FAM107B: variants seen among roughly 807,000 people sequenced by gnomAD.
FAM107B encodes the protein protein FAM107B.
In FAM107B, 21 loss-of-function variants were observed where a neutral mutation model predicts 31.5. The ratio of observed to expected loss-of-function variants is 0.67; its 90% CI spans 0.47 to 0.96. The LOEUF is 0.96. Ranked by LOEUF, FAM107B falls within the 40% of genes least tolerant of loss-of-function variation. FAM107B has a pLI of 0.00. For missense variants in FAM107B, 452 were observed against 377.1 expected (o/e 1.20, Z -1.64); for synonymous variants, 157 against 141.5 (o/e 1.11, Z -0.78).
chr10:14,528,314 TGG>T (rs1846554171), intron 3 of FAM107B, among the ~76,000 whole-genome samples: 1 of 151,524 alleles, frequency 6.6e-6, no homozygotes, highest in Non-Finnish European at 1.5e-5. Flanking sequence ...CCCGAGTGGT[TGG>T]GATTACAGGC....
At position 14,774,483 on chromosome 10, in the gene FAM107B, C is replaced by G; in HGVS notation, c.181G>C (p.Gly61Arg). Residue 61 changes from glycine to arginine, a missense_variant, in exon 1 of 5, where the codon GGC becomes CGC. Transcript: ENST00000181796. ...TVRVQPVAKAGRQPRHPSAEG... is the reference protein window; with the variant it reads ...TVRVQPVAKARRQPRHPSAEG... The stretch of plus-strand genomic sequence containing the variant: ...GCGCTTGGGTGTCTTGGCTGTCTGC[C>G]TGCTTTGGCCACAGGCTGCACACGG... 1 of 1,614,198 alleles carries G rather than the reference C, an allele frequency of 6.2e-7. No individual in the cohort carries two copies.
intron 2 of FAM107B, among the ~76,000 whole-genome samples, chr10:14,551,903 C>T (rs1849299231): frequency 6.6e-6 from 1 of 152,192 alleles, no homozygotes; most frequent in African/African-American, 2.4e-5. Context: ...TGGCCTGTGA[C>T]ACTAGCTTTT....
At chr10:14,624,945 C>T (rs1588665857) in intron 2 of FAM107B, among the ~76,000 whole-genome samples, 1 of 152,076 alleles carries the variant, frequency 6.6e-6, no homozygotes, top group Non-Finnish European at 1.5e-5. Context: ...TCATGTGTGG[C>T]CGGGCGTGGT....
chr10:14,703,351 C>CA (rs1259277587), intron 1 of FAM107B, among the ~76,000 whole-genome samples: 2 of 142,796 alleles, frequency 1.4e-5, no homozygotes, highest in Non-Finnish European at 3.0e-5. Flanking sequence ...TTTTCTGAGA[C>CA]AGAGTCTCTC....
intron 2 of FAM107B, among the ~76,000 whole-genome samples, chr10:14,622,756 C>T (rs75049133): frequency 0.011 from 1,731 of 152,246 alleles, 30 homozygotes; most frequent in African/African-American, 0.04. Context: ...ATAATGTATG[C>T]CCTAAACACT....
At chr10:14,524,034 ATTT>A (rs11288279) in intron 3 of FAM107B, among the ~76,000 whole-genome samples, 3 of 123,396 alleles carry the variant, frequency 2.4e-5, no homozygotes, top group Admixed American at 8.2e-5. Flanking sequence ...GCCCAGCTCT[ATTT>A]TTTTTTTTTT....
At chr10:14,580,483 C>T (rs10906704) in intron 2 of FAM107B, among the ~76,000 whole-genome samples, 13,646 of 151,694 alleles carry the variant, frequency 0.09, 786 homozygotes, top group East Asian at 0.21. Context: ...GGGGCCAGGA[C>T]CAAAAATAAA....
chr10:14,687,342 G>T (rs561867306), intron 1 of FAM107B, among the ~76,000 whole-genome samples: 4 of 152,290 alleles, frequency 2.6e-5, no homozygotes, highest in African/African-American at 7.2e-5. Context: ...TGAAATAAGG[G>T]AGGAAGGCTG....
In FAM107B at chr10:14,556,756, T is replaced by C. The variant is rs186703607; in HGVS notation, c.470-26241A>G. Among the ~76,000 whole-genome samples the C allele has an allele frequency of 3.6e-3, 547 of 152,346 alleles. 2 individuals carry two copies. Among genetic ancestry groups the C allele is most frequent in the Admixed American group, 6.8e-3 (104 of 15,306 alleles). On this transcript the variant is annotated intron_variant, in intron 2 of 4. Coordinates refer to ENST00000181796, the MANE Select transcript of FAM107B (RefSeq NM_031453.4). ...TAGCACCCAGGTTTTCGTTATTGAA[T>C]AGAAAAAGTTCAAAGCAGGAAACGT...
At chr10:14,731,423 A>G (rs1213673327) in intron 1 of FAM107B, among the ~76,000 whole-genome samples, 1 of 152,100 alleles carries the variant, frequency 6.6e-6, no homozygotes, top group Non-Finnish European at 1.5e-5. Context: ...TTAGCCAGGC[A>G]TGGTGGTGGG....
intron 1 of FAM107B, among the ~76,000 whole-genome samples, chr10:14,687,036 G>A (rs779163723): frequency 9.2e-5 from 14 of 152,208 alleles, no homozygotes; most frequent in Non-Finnish European, 1.5e-4. Flanking sequence ...AAAGCATGGC[G>A]AAGCCTCAGA....
At chr10:14,646,331 C>T (rs141860702) in intron 2 of FAM107B, among the ~76,000 whole-genome samples, 2 of 152,162 alleles carry the variant, frequency 1.3e-5, no homozygotes, top group East Asian at 3.9e-4. Context: ...TCATTCCTCA[C>T]CCCCGTCCAC....
chr10:14,548,620 A>C lies in FAM107B; in HGVS notation c.470-18105T>G, dbSNP rs1170211306. 4 of 985,280 alleles carry C rather than the reference A, an allele frequency of 4.1e-6. No individual in the cohort carries two copies. In the African/African-American group the frequency reaches 7.0e-5, roughly 17 times the overall value. 61.0% of individuals were successfully genotyped at this position (985,280 alleles called of 1,614,324 possible). On this transcript the variant is annotated intron_variant, in intron 2 of 4. Coordinates refer to ENST00000181796, the MANE Select transcript of FAM107B (RefSeq NM_031453.4). ...GGGAAGGCAGAGACAGCCCCTGAGG[A>C]GGGCTCTCTCCAGCTGCGAAGGCAG...
intron 1 of FAM107B, among the ~76,000 whole-genome samples, chr10:14,690,015 AAGGAAGGAAGGG>A (rs1484677394): frequency 1.5e-3 from 178 of 118,372 alleles, no homozygotes; most frequent in African/African-American, 5.6e-3. Context: ...GGAAGGAAGG[AAGGAAGGAAGGG>A]AGGGAGGGAG....
intron 2 of FAM107B, among the ~76,000 whole-genome samples, chr10:14,587,485 C>T (rs1326748486): frequency 6.6e-6 from 1 of 152,114 alleles, no homozygotes; most frequent in Non-Finnish European, 1.5e-5. Context: ...AATGCCTAGG[C>T]TTATTTTCAT....
At chr10:14,623,589 G>A (rs543353850) in intron 2 of FAM107B, among the ~76,000 whole-genome samples, 1 of 152,344 alleles carries the variant, frequency 6.6e-6, no homozygotes, top group East Asian at 1.9e-4. Flanking sequence ...ATTTTGGGAG[G>A]CCAAGGTGGG....
At chr10:14,566,224 A>G (rs1192537290) in intron 2 of FAM107B, among the ~76,000 whole-genome samples, 2 of 152,198 alleles carry the variant, frequency 1.3e-5, no homozygotes, top group Non-Finnish European at 2.9e-5. Flanking sequence ...TGAAAGGGGA[A>G]TGAAAGAATA....
intron 2 of FAM107B, among the ~76,000 whole-genome samples, chr10:14,558,781 C>G (rs1849941074): frequency 6.6e-6 from 1 of 152,026 alleles, no homozygotes; most frequent in African/African-American, 2.4e-5. Flanking sequence ...AACACAACAC[C>G]TTAATATGTT....
At chr10:14,569,076 G>C (rs927780703) in intron 2 of FAM107B, among the ~76,000 whole-genome samples, 3 of 152,116 alleles carry the variant, frequency 2.0e-5, no homozygotes, top group Non-Finnish European at 4.4e-5. Flanking sequence ...GGTTCTCATC[G>C]AAAGGTCTGT....
Sources: allele counts gnomAD v4.1 joint callset (sites outside exome capture counted in the v4.1 genomes callset), GRCh38; gene constraint gnomAD v4.1.1; transcripts MANE v1.5; gene names NCBI Gene and HGNC (gene_info 2026-07-23, HGNC 2026-07-21).